Variants in VSTM1 observed in about 807,000 individuals in gnomAD.
VSTM1 encodes V-set and transmembrane domain containing 1.
VSTM1 carries 27 observed loss-of-function variants against 33.1 expected under a neutral mutation model. That is an observed-to-expected ratio of 0.82 (90% CI 0.60 to 1.12). The LOEUF is 1.12. Ranked by LOEUF, VSTM1 falls within the 50% of genes most tolerant of loss-of-function variation. The probability of loss-of-function intolerance (pLI) is 0.00; values close to 1 mark genes in which losing one functional copy is unlikely to be tolerated. For synonymous variants in VSTM1, 115 were observed against 110.3 expected, an observed-to-expected ratio of 1.04 and a Z score of -0.27; for missense variants, 304 against 288.9, an observed-to-expected ratio of 1.05 and a Z score of -0.38.
In VSTM1 at chr19:54,053,357, C is replaced by T. The variant is rs1414816464; in HGVS notation, c.356-1909G>A. ...GGTGTTCATGCCTTTGTCTAATCCC[C>T]TCACCTTGAGTGTGGAGATCTGTGA... On this transcript the variant is annotated intron_variant, in intron 3 of 8. Transcript: ENST00000338372. Among the ~76,000 whole-genome samples the T allele has an allele frequency of 3.5e-5, 5 of 142,462 alleles. 1 individual carries two copies. Among genetic ancestry groups the T allele is most frequent in the East Asian group, 2.0e-4 (1 of 5,010 alleles). The allele number at this position is 142,462 out of a possible 152,430, so 93.5% of individuals were successfully genotyped here.
intron 4 of VSTM1, among the ~76,000 whole-genome samples, chr19:54,042,811 TA>T (rs1479535256): frequency 1.3e-4 from 5 of 38,396 alleles, no homozygotes; most frequent in Admixed American, 8.3e-4. Context: ...AATGTGTATA[TA>T]TATATATATA....
At chr19:54,058,772 G>A in intron 1 of VSTM1, 40 bp from the exon 2 acceptor site, 1 of 1,604,130 alleles carries the variant, frequency 6.2e-7, no homozygotes, top group Non-Finnish European at 8.5e-7. Flanking sequence ...TTATGTGCTT[G>A]TCCTTGAGTA....
At position 54,042,262 on chromosome 19, in the gene VSTM1, G is replaced by A. The variant is rs371942569; in HGVS notation, c.487+15C>T. 799 of 1,613,784 alleles carry A rather than the reference G, an allele frequency of 5.0e-4. No homozygotes were observed. The highest frequency in any genetic ancestry group is 6.3e-4 in the Non-Finnish European group (743 of 1,179,974). On this transcript the variant is annotated intron_variant, in intron 5 of 8. Coordinates refer to ENST00000338372, the MANE Select transcript of VSTM1 (RefSeq NM_198481.4). ...CTTCACTCCCCCTCTCTCCCTTTGC[G>A]TTCTCTGAGCTCACTGTGCTGGCTG...
chr19:54,047,491 A>C (rs2070654062), intron 4 of VSTM1, among the ~76,000 whole-genome samples: 3 of 152,000 alleles, frequency 2.0e-5, no homozygotes, highest in Admixed American at 2.0e-4. Context: ...ATGAGGTTTC[A>C]CCATGTTGGT....
intron 8 of VSTM1, 81 bp from the exon 9 acceptor site, chr19:54,041,161 T>A: frequency 7.3e-7 from 1 of 1,371,412 alleles, no homozygotes. Context: ...GACATTTAAG[T>A]TAATTACAAT....
At chr19:54,046,917 C>T (rs1269545660) in intron 4 of VSTM1, among the ~76,000 whole-genome samples, 2 of 152,130 alleles carry the variant, frequency 1.3e-5, no homozygotes, top group African/African-American at 4.8e-5. Context: ...ATTTTCAAGC[C>T]AGGCGTGGTG....
chr19:54,059,059 CTTTTTTT>C (rs68002308), intron 1 of VSTM1, among the ~76,000 whole-genome samples: 19 of 104,194 alleles, frequency 1.8e-4, no homozygotes, highest in African/African-American at 7.4e-4. Context: ...CTTCTTCTTT[CTTTTTTT>C]TTTTTTTTTT....
chr19:54,060,315 G>A (rs559509943), intron 1 of VSTM1, among the ~76,000 whole-genome samples: 3 of 152,214 alleles, frequency 2.0e-5, no homozygotes, highest in South Asian at 2.1e-4. Context: ...GGAAGGTAGC[G>A]TCTTAAACTT....
At chr19:54,041,443 A>G (rs1382541493) in intron 8 of VSTM1, among the ~76,000 whole-genome samples, 3 of 151,940 alleles carry the variant, frequency 2.0e-5, no homozygotes, top group Non-Finnish European at 2.9e-5. Context: ...CTGGGATTAC[A>G]GGCGCCCACT....
chr19:54,063,710 C>T (rs762061309), intron 1 of VSTM1, 34 bp downstream of exon 1: 2 of 1,613,064 alleles, frequency 1.2e-6, no homozygotes, highest in Non-Finnish European at 1.7e-6. Context: ...TTCTCACCAG[C>T]CCAAGCCCAT....
chr19:54,058,762 T>A, intron 1 of VSTM1, 30 bp from the exon 2 acceptor site: 1 of 1,611,894 alleles, frequency 6.2e-7, no homozygotes, highest in Non-Finnish European at 8.5e-7. Flanking sequence ...GAGAGAAAAA[T>A]TATGTGCTTG....
At chr19:54,045,549 C>G (rs1291067470) in intron 4 of VSTM1, among the ~76,000 whole-genome samples, 5 of 152,174 alleles carry the variant, frequency 3.3e-5, no homozygotes, top group African/African-American at 1.2e-4. Flanking sequence ...TATCTACCGA[C>G]TTACCTATCA....
intron 4 of VSTM1, among the ~76,000 whole-genome samples, chr19:54,044,929 G>A (rs1015508276): frequency 2.0e-5 from 3 of 152,142 alleles, no homozygotes; most frequent in Non-Finnish European, 2.9e-5. Flanking sequence ...TAGCAGAAAC[G>A]TGATTAAGGA....
At position 54,049,085 on chromosome 19, in the gene VSTM1, AAAAAACAAAAAC is replaced by A. The variant is rs1201438215; in HGVS notation, c.394+2313_394+2324del. Among the ~76,000 whole-genome samples the A allele has an allele frequency of 2.6e-5, 4 of 152,322 alleles. No individual in the cohort carries two copies. The South Asian group carries it at 6.2e-4, about 24-fold the overall frequency. The stretch of plus-strand genomic sequence containing the variant: ...GGCGACAGAGCAAGACTCCGTCTCA[AAAAAACAAAAAC>A]AAAAACAAAAAAAAGAATGGATAAG... On this transcript the variant is annotated intron_variant, in intron 4 of 8. Coordinates refer to ENST00000338372, the MANE Select transcript of VSTM1 (RefSeq NM_198481.4).
At position 54,041,793 on chromosome 19, in the gene VSTM1, T is replaced by C. The variant is rs2070286448; in HGVS notation, c.577A>G (p.Arg193Gly). The change falls in exon 8 of 9, where the codon AGG becomes GGG. Residue 193 changes from arginine to glycine, a missense_variant. Physicochemically the swap from Arg to Gly is moderately radical, Grantham distance 125. Transcript: ENST00000338372. ...AAEADLSNME[R>G]VSLSTADPQG... ...GGAGGACTCACCGAGAGAGATACCC[T>C]TTCCATATTGGATAAATCTGCCTCT... is the stretch of plus-strand genomic sequence containing the variant. 6.2e-7 allele frequency: 1 copy of C among 1,613,840 alleles called. No individual in the cohort carries two copies. Among genetic ancestry groups the C allele is most frequent in the Non-Finnish European group, 8.5e-7 (1 of 1,179,958 alleles).
Position 54,041,048 on chromosome 19 carries a change from C to T in VSTM1, c.624G>A (p.Glu208=), listed in dbSNP as rs2070234419. The change falls in exon 9 of 9, where the codon GAG becomes GAA. Residue 208 remains glutamate (E), a synonymous_variant. Transcript: ENST00000338372. ...CCTCAGACAGGGCGCTGGTGCTTAGCTCAGCATAGGTCACTCCTTGGGGGT... is the reference window on the plus strand; with the variant it reads ...CCTCAGACAGGGCGCTGGTGCTTAGTTCAGCATAGGTCACTCCTTGGGGGT... The part of the protein sequence containing the change: ...TADPQGVTYA[E]LSTSALSEAA... The T allele has an allele frequency of 6.8e-6, 11 of 1,605,948 alleles. No individual in the cohort carries two copies. The highest frequency in any genetic ancestry group is 6.7e-5 in the African/African-American group (5 of 74,318).
rs560674244 is a variant in VSTM1 at position 54,041,598 on chromosome 19, G to A, written c.591+181C>T. ...TTACAGGCGTGAGCCACCGCGCCCGGCCCATGCATAAGCCTTTTAAATGGA... is the reference window on the plus strand; with the variant it reads ...TTACAGGCGTGAGCCACCGCGCCCGACCCATGCATAAGCCTTTTAAATGGA... On this transcript the variant is annotated intron_variant, in intron 8 of 8. Coordinates refer to ENST00000338372, the MANE Select transcript of VSTM1 (RefSeq NM_198481.4). Among the ~76,000 whole-genome samples, 119 of 152,288 alleles carry A rather than the reference G, an allele frequency of 7.8e-4. 1 individual carries two copies. Among genetic ancestry groups the A allele is most frequent in the African/African-American group, 2.8e-3 (118 of 41,566 alleles).
chr19:54,054,916 G>C (rs1271975565), intron 3 of VSTM1, among the ~76,000 whole-genome samples: 1 of 134,452 alleles, frequency 7.4e-6, no homozygotes, highest in Non-Finnish European at 1.6e-5. Flanking sequence ...TGAGTGGATG[G>C]ATGGGTGAAT....
At chr19:54,046,894 T>C (rs2070617156) in intron 4 of VSTM1, among the ~76,000 whole-genome samples, 1 of 152,026 alleles carries the variant, frequency 6.6e-6, no homozygotes, top group Non-Finnish European at 1.5e-5. Flanking sequence ...TCTTCCCCAC[T>C]CCCTAAAATG....
Sources: allele counts gnomAD v4.1 joint callset (sites outside exome capture counted in the v4.1 genomes callset), GRCh38; gene constraint gnomAD v4.1.1; transcripts MANE v1.5; gene names NCBI Gene and HGNC (gene_info 2026-07-23, HGNC 2026-07-21).